PCDH15: variants seen among roughly 807,000 people sequenced by gnomAD.
PCDH15 encodes the protein protocadherin related 15.
Under a neutral mutation model 178.5 loss-of-function variants are expected in PCDH15, and 129 were observed. The observed-to-expected ratio is 0.72, with a 90% CI of 0.63 to 0.84. PCDH15 has a LOEUF of 0.84. Among genes scored for constraint, PCDH15 ranks in the 40% least tolerant of loss-of-function variants. The pLI is 0.00. For missense variants in PCDH15, 2,230 were observed against 2,099.9 expected, an observed-to-expected ratio of 1.06 and a Z score of -1.21; for synonymous variants, 800 against 732.0, an observed-to-expected ratio of 1.09 and a Z score of -1.50.
At chr10:54,853,312 T>TACACACACATACAC (rs1327737887) in intron 3 of PCDH15, among the ~76,000 whole-genome samples, 1 of 128,332 alleles carries the variant, frequency 7.8e-6, no homozygotes, top group African/African-American at 3.1e-5. Context: ...TATATATATA[T>TACACACACATACAC]ATATATACAT....
At chr10:54,502,994 A>C in intron 3 of PCDH15, among the ~76,000 whole-genome samples, 1 of 152,026 alleles carries the variant, frequency 6.6e-6, no homozygotes, top group South Asian at 2.1e-4. Flanking sequence ...CTTTTTCTAA[A>C]TGTAAAATAT....
chr10:55,582,616 A>ATTTTTT (rs1247006513), intron 2 of PCDH15, among the ~76,000 whole-genome samples: 1 of 88,996 alleles, frequency 1.1e-5, no homozygotes, highest in African/African-American at 5.8e-5. Context: ...ATATATATAT[A>ATTTTTT]TATATATATA....
Position 54,195,782 on chromosome 10 carries a change from G to T in PCDH15, c.1206C>A (p.Gly402=). 3 of 1,613,972 alleles carry T rather than the reference G, an allele frequency of 1.9e-6. No homozygotes were observed. Among genetic ancestry groups the T allele is most frequent in the Non-Finnish European group, 2.5e-6 (3 of 1,179,864 alleles). ...CCACTGGGGCAGATTCCAGGATATA[G>T]CCTTGATAACTGGGCATTGTAAAAT... ...SPYFTMPSYQ[G]YILESAPVGA... The change falls in exon 11 of 38, where the codon GGC becomes GGA. Residue 402 remains glycine (G), a synonymous_variant. Coordinates refer to ENST00000644397, the MANE Select transcript of PCDH15 (RefSeq NM_001384140.1).
chr10:54,801,374 C>T (rs554241152), upstream of PCDH15: 3 of 152,332 alleles, frequency 2.0e-5, no homozygotes, highest in South Asian at 2.1e-4. Context: ...CGCTAAACCA[C>T]GCACTGACTG....
chr10:53,811,481 C>A, intron 36 of PCDH15, 68 bp downstream of exon 36: 1 of 947,888 alleles, frequency 1.1e-6, no homozygotes, highest in Non-Finnish European at 1.5e-6. Context: ...TAATAATAAT[C>A]ATTTAATAAT....
At chr10:54,434,233 A>T (rs529038201) in intron 3 of PCDH15, among the ~76,000 whole-genome samples, 2 of 142,756 alleles carry the variant, frequency 1.4e-5, no homozygotes, top group South Asian at 2.1e-4. Flanking sequence ...GTAAGCTAAG[A>T]TTAATTACTG....
At chr10:54,103,040 A>G (rs1169428454) in intron 15 of PCDH15, among the ~76,000 whole-genome samples, 2 of 152,176 alleles carry the variant, frequency 1.3e-5, no homozygotes, top group East Asian at 3.9e-4. Flanking sequence ...GATTAACAGC[A>G]TAAATTGGTG....
chr10:54,705,604 T>C (rs2095357767), intron 1 of PCDH15, among the ~76,000 whole-genome samples: 1 of 152,144 alleles, frequency 6.6e-6, no homozygotes, highest in Non-Finnish European at 1.5e-5. Flanking sequence ...TAAGTGACCA[T>C]AGCACCACTA....
In PCDH15 at chr10:55,460,022, GA is replaced by G. The variant is rs1839638002; in HGVS notation, c.-156+167602del. Among the ~76,000 whole-genome samples the G allele has an allele frequency of 4.6e-5, 7 of 152,056 alleles. No individual in the cohort carries two copies. In the South Asian group the frequency reaches 1.5e-3, roughly 32 times the overall value. ...CAGATGGAGCATGGACCGTTGACAA[GA>G]AAAACCAGAACAGAACCCCACAGAA... On this transcript the variant is annotated intron_variant, in intron 2 of 5. Coordinates refer to the PCDH15 transcript ENST00000613346.
At chr10:55,104,621 C>T (rs184183747) in intron 2 of PCDH15, among the ~76,000 whole-genome samples, 18 of 152,212 alleles carry the variant, frequency 1.2e-4, no homozygotes, top group Admixed American at 2.6e-4. Context: ...GACTTCTTTA[C>T]TTTTTAAAAA....
intron 20 of PCDH15, among the ~76,000 whole-genome samples, chr10:54,013,058 G>A (rs1033497370): frequency 6.6e-6 from 1 of 151,972 alleles, no homozygotes; most frequent in Admixed American, 6.6e-5. Context: ...GTAAAGGTTT[G>A]GAGAAAAGTC....
At chr10:54,383,981 G>A (rs1278721171) in intron 3 of PCDH15, among the ~76,000 whole-genome samples, 1 of 118,124 alleles carries the variant, frequency 8.5e-6, no homozygotes, top group Non-Finnish European at 1.7e-5. Flanking sequence ...ACCACAAACA[G>A]TTAATTTTTT....
chr10:53,827,909 A>AAGAT (rs1417718361), intron 31 of PCDH15, among the ~76,000 whole-genome samples: 1 of 152,016 alleles, frequency 6.6e-6, no homozygotes, highest in African/African-American at 2.4e-5. Flanking sequence ...TATTAAAGAT[A>AAGAT]AGATAGATAA....
At chr10:54,133,533 T>C (rs1266735139) in intron 14 of PCDH15, among the ~76,000 whole-genome samples, 1 of 152,140 alleles carries the variant, frequency 6.6e-6, no homozygotes, top group African/African-American at 2.4e-5. Flanking sequence ...CGTAAAATAG[T>C]TGCAAACAAA....
chr10:54,599,964 G>T (rs1257335326), intron 2 of PCDH15: 3 of 1,080,528 alleles, frequency 2.8e-6, no homozygotes, highest in African/African-American at 1.6e-5. Flanking sequence ...AGGTGGAAAA[G>T]CCAGAAAAAG....
At chr10:55,420,607 G>A (rs1213954458) in intron 2 of PCDH15, among the ~76,000 whole-genome samples, 1 of 151,612 alleles carries the variant, frequency 6.6e-6, no homozygotes, top group Non-Finnish European at 1.5e-5. Flanking sequence ...TTAGACTGGA[G>A]CATGGGGAAC....
intron 3 of PCDH15, among the ~76,000 whole-genome samples, chr10:54,488,126 TC>T (rs2079260709): frequency 6.6e-6 from 1 of 151,832 alleles, no homozygotes; most frequent in Non-Finnish European, 1.5e-5. Context: ...AATATGAAAT[TC>T]CTAAACTTTT....
chr10:53,855,706 CA>C lies in PCDH15; in HGVS notation c.3806+1468del, dbSNP rs146119396. On this transcript the variant is annotated intron_variant, in intron 28 of 37. Transcript: ENST00000644397. ...ATATTTTGCTAAAGAGGCAAATTGA[CA>C]GTGACGATAATTGACCTCTGTCAAA... 7.2e-4 allele frequency among the ~76,000 whole-genome samples: 109 copies of C among 151,598 alleles called. 2 individuals are homozygous for C. In the East Asian group the frequency reaches 0.018, roughly 26 times the overall value.
intron 1 of PCDH15, among the ~76,000 whole-genome samples, chr10:54,731,564 A>ATATATATATATATATATT (rs1491229343): frequency 2.3e-5 from 1 of 43,348 alleles, no homozygotes; most frequent in Admixed American, 3.1e-4. Context: ...ATATATATAT[A>ATATATATATATATATATT]CACACACACA....
Sources: gnomAD v4.1 joint callset for allele counts (sites outside exome capture counted in the v4.1 genomes callset) on GRCh38, gnomAD v4.1.1 for gene constraint, MANE v1.5 for transcripts, NCBI Gene and HGNC (gene_info 2026-07-23, HGNC 2026-07-21) for gene names.